Variants in SPMIP2 observed in about 807,000 individuals in gnomAD.
SPMIP2 encodes sperm microtubule inner protein 2, also known as protein SPMIP2.
At chr4:159,055,196 G>T in the SPMIP2 span, among the ~76,000 whole-genome samples, 1 of 152,192 alleles carries the variant, frequency 6.6e-6, no homozygotes, top group Admixed American at 6.5e-5. Context: ...GACAGGAAAA[G>T]CATGTATTGA....
chr4:159,067,624 A>G, the SPMIP2 span, among the ~76,000 whole-genome samples: 26 of 152,242 alleles, frequency 1.7e-4, no homozygotes, highest in African/African-American at 5.3e-4. Flanking sequence ...CTAAAACACC[A>G]AAAGCAATGG....
the SPMIP2 span, among the ~76,000 whole-genome samples, chr4:158,941,189 T>G: frequency 6.6e-6 from 1 of 152,334 alleles, no homozygotes; most frequent in African/African-American, 2.4e-5. Flanking sequence ...ATTCAGGGTT[T>G]GTTTTTCAGG....
At chr4:159,078,883 T>G in the SPMIP2 span, among the ~76,000 whole-genome samples, 1 of 152,118 alleles carries the variant, frequency 6.6e-6, no homozygotes, top group Non-Finnish European at 1.5e-5. Context: ...TTTGGGAGGC[T>G]GAGGCGGGTG....
chr4:158,947,745 A>T, the SPMIP2 span, among the ~76,000 whole-genome samples: 2 of 152,216 alleles, frequency 1.3e-5, no homozygotes, highest in Non-Finnish European at 2.9e-5. Context: ...GAAAAGACGA[A>T]AGAAATAAGA....
chr4:158,986,190 G>A, the SPMIP2 span, among the ~76,000 whole-genome samples: 30 of 151,634 alleles, frequency 2.0e-4, no homozygotes, highest in Admixed American at 3.3e-4. Flanking sequence ...AATCAATATC[G>A]TGAAAATGGC....
chr4:159,034,364 A>C, the SPMIP2 span, among the ~76,000 whole-genome samples: 2 of 152,246 alleles, frequency 1.3e-5, no homozygotes, highest in African/African-American at 4.8e-5. Flanking sequence ...CAAGTTTATA[A>C]TGTTATGAGA....
At chr4:158,979,023 AG>A in the SPMIP2 span, among the ~76,000 whole-genome samples, 2 of 152,162 alleles carry the variant, frequency 1.3e-5, no homozygotes, top group African/African-American at 4.8e-5. Context: ...TTTATCTATA[AG>A]CCCCTGACTG....
chr4:159,021,347 C>T, the SPMIP2 span, among the ~76,000 whole-genome samples: 14 of 152,194 alleles, frequency 9.2e-5, no homozygotes, highest in African/African-American at 3.4e-4. Context: ...AACTGTGAGC[C>T]TTCATCACAA....
At chr4:158,972,972 G>T in the SPMIP2 span, 1 of 733,958 alleles carries the variant, frequency 1.4e-6, no homozygotes, top group South Asian at 1.9e-5. Flanking sequence ...ACCTCATTAT[G>T]TCTCAATGAG....
At chr4:159,023,560 C>G in the SPMIP2 span, among the ~76,000 whole-genome samples, 551 of 152,316 alleles carry the variant, frequency 3.6e-3, 4 homozygotes, top group African/African-American at 0.013. Context: ...TGGAGATAAT[C>G]TGGCTTAAAT....
At chr4:158,920,815 A>C in the SPMIP2 span, among the ~76,000 whole-genome samples, 1 of 152,170 alleles carries the variant, frequency 6.6e-6, no homozygotes, top group African/African-American at 2.4e-5. Context: ...CTGTTCCCTC[A>C]GAAGCATGTG....
At chr4:158,904,556 G>C in the SPMIP2 span, 2 of 1,608,382 alleles carry the variant, frequency 1.2e-6, no homozygotes, top group Non-Finnish European at 1.7e-6. Context: ...CTAAAGCTCA[G>C]GACAGTTCTT....
At chr4:159,021,585 C>T in the SPMIP2 span, among the ~76,000 whole-genome samples, 3 of 152,360 alleles carry the variant, frequency 2.0e-5, no homozygotes, top group Non-Finnish European at 4.4e-5. Flanking sequence ...AATTCCACAG[C>T]ATCTTCCTTC....
At chr4:158,894,983 T>G in the SPMIP2 span, among the ~76,000 whole-genome samples, 1 of 152,202 alleles carries the variant, frequency 6.6e-6, no homozygotes, top group African/African-American at 2.4e-5. Flanking sequence ...TTAGGTATGA[T>G]GGAATTACCC....
chr4:158,992,688 G>A, the SPMIP2 span, among the ~76,000 whole-genome samples: 12 of 152,288 alleles, frequency 7.9e-5, no homozygotes, highest in South Asian at 2.1e-4. Context: ...TGTGATGAAG[G>A]CCGCTCTCTG....
the SPMIP2 span, among the ~76,000 whole-genome samples, chr4:159,021,282 G>T: frequency 6.6e-6 from 1 of 152,216 alleles, no homozygotes; most frequent in African/African-American, 2.4e-5. Flanking sequence ...ATAAGAGGCA[G>T]CCATAATGGC....
At chr4:159,037,416 T>C in the SPMIP2 span, among the ~76,000 whole-genome samples, 1 of 152,098 alleles carries the variant, frequency 6.6e-6, no homozygotes, top group African/African-American at 2.4e-5. Flanking sequence ...GTCCAGCTTT[T>C]ATCCTTGTTA....
At chr4:159,019,725 G>A in the SPMIP2 span, among the ~76,000 whole-genome samples, 1 of 152,106 alleles carries the variant, frequency 6.6e-6, no homozygotes, top group African/African-American at 2.4e-5. Flanking sequence ...GCCAGAGTGT[G>A]GCTGTGGCAG....
chr4:158,904,441 A>G, the SPMIP2 span: 2 of 1,573,468 alleles, frequency 1.3e-6, no homozygotes, highest in Non-Finnish European at 1.7e-6. Context: ...TTAAAGTAAT[A>G]TTCTTTTCTT....
Sources: gnomAD v4.1 joint callset for allele counts (sites outside exome capture counted in the v4.1 genomes callset) on GRCh38, gnomAD v4.1.1 for gene constraint, MANE v1.5 for transcripts, NCBI Gene and HGNC (gene_info 2026-07-23, HGNC 2026-07-21) for gene names.